Variants in USP32 observed in about 807,000 individuals in gnomAD.
The protein encoded by USP32 is ubiquitin carboxyl-terminal hydrolase 32.
A neutral mutation model predicts 204.8 loss-of-function variants in USP32; 59 were observed. The ratio of observed to expected loss-of-function variants is 0.29; its 90% CI spans 0.23 to 0.36. The LOEUF (loss-of-function observed/expected upper bound fraction) is 0.36. USP32 is among the 10% of genes least tolerant of loss of function. The pLI is 1.00. For missense variants in USP32, 1,160 were observed against 1,946.4 expected (o/e 0.60, Z 7.60); for synonymous variants, 517 against 678.4 (o/e 0.76, Z 3.70).
At chr17:60,203,475 G>C (rs895587917) in intron 26 of USP32, among the ~76,000 whole-genome samples, 4 of 149,738 alleles carry the variant, frequency 2.7e-5, no homozygotes, top group African/African-American at 7.4e-5. Flanking sequence ...TGTTATAACA[G>C]TCCTAAGAAA....
chr17:60,320,596 T>G (rs1485498508), intron 2 of USP32, among the ~76,000 whole-genome samples: 1 of 152,140 alleles, frequency 6.6e-6, no homozygotes, highest in East Asian at 1.9e-4. Flanking sequence ...TGGGGGAGCA[T>G]GCAAACCACA....
chr17:60,363,028 G>A (rs1207664836), intron 1 of USP32, among the ~76,000 whole-genome samples: 3 of 151,932 alleles, frequency 2.0e-5, no homozygotes, highest in African/African-American at 7.3e-5. Flanking sequence ...CAGTGGCTCA[G>A]GTCTATAATC....
intron 1 of USP32, among the ~76,000 whole-genome samples, chr17:60,375,559 A>G (rs1329350723): frequency 6.6e-6 from 1 of 152,084 alleles, no homozygotes; most frequent in Non-Finnish European, 1.5e-5. Context: ...TACATACTAA[A>G]TTATCTCTTA....
upstream of USP32, among the ~76,000 whole-genome samples, chr17:60,393,701 T>G (rs919343671): frequency 6.6e-6 from 1 of 151,730 alleles, no homozygotes; most frequent in Non-Finnish European, 1.5e-5. Flanking sequence ...TTTTTTTTTT[T>G]GAGACGGAGT....
intron 4 of USP32, among the ~76,000 whole-genome samples, chr17:60,289,924 G>T (rs775319663): frequency 1.1e-4 from 17 of 152,190 alleles, no homozygotes. Flanking sequence ...ATCCCATTAA[G>T]TGAGGCGATA....
At chr17:60,253,634 C>T (rs1003429244) in intron 10 of USP32, among the ~76,000 whole-genome samples, 8 of 151,950 alleles carry the variant, frequency 5.3e-5, no homozygotes, top group African/African-American at 1.9e-4. Context: ...GGGGTGGTGG[C>T]ACACGCCTGT....
intron 7 of USP32, among the ~76,000 whole-genome samples, chr17:60,267,836 A>G (rs972786195): frequency 2.0e-5 from 3 of 149,588 alleles, no homozygotes; most frequent in African/African-American, 7.4e-5. Flanking sequence ...CTTTTGAGAC[A>G]GAGTCTTGCT....
chr17:60,317,686 T>C (rs1285205091), intron 2 of USP32, among the ~76,000 whole-genome samples: 1 of 151,936 alleles, frequency 6.6e-6, no homozygotes, highest in Non-Finnish European at 1.5e-5. Context: ...TGTAGTGCCA[T>C]GCACCCATAG....
chr17:60,192,958 T>C lies in USP32; in HGVS notation c.3435-28A>G, dbSNP rs1394626642. On this transcript the variant is annotated intron_variant, in intron 27 of 33. Coordinates refer to ENST00000300896, the MANE Select transcript of USP32 (RefSeq NM_032582.4). Reference sequence around the variant, plus strand: ...GAAACAGAAGAGAACAAAAAGAGTGTAAGAAGCATTTCTGGTTCGAGGTCC... The same window carrying C: ...GAAACAGAAGAGAACAAAAAGAGTGCAAGAAGCATTTCTGGTTCGAGGTCC... The C allele has an allele frequency of 9.3e-6, 15 of 1,611,350 alleles. No individual in the cohort carries two copies. In the Admixed American group the frequency reaches 2.5e-4, roughly 27 times the overall value.
At chr17:60,296,117 T>A (rs774305014) in intron 3 of USP32, among the ~76,000 whole-genome samples, 14 of 152,206 alleles carry the variant, frequency 9.2e-5, no homozygotes, top group Non-Finnish European at 1.5e-4. Flanking sequence ...GTTTTAATAT[T>A]TTTAAAAAAT....
intron 1 of USP32, among the ~76,000 whole-genome samples, chr17:60,381,417 G>A (rs148865292): frequency 0.021 from 3,206 of 151,182 alleles, 135 homozygotes; most frequent in African/African-American, 0.074. Context: ...CTCCAGCTAG[G>A]GTGACAGAGG....
chr17:60,178,991 G>A lies in USP32; in HGVS notation c.*264C>T, dbSNP rs567216372. ...ATTGAATTCTTATTTGGTCCCAGGT[G>A]GCTGGTGCCAAACCTTTTGTTTACA... On this transcript the variant is annotated 3_prime_UTR_variant, in exon 34 of 34. Coordinates refer to ENST00000300896, the MANE Select transcript of USP32 (RefSeq NM_032582.4). The A allele has an allele frequency of 8.1e-5, 30 of 369,772 alleles. No homozygotes were observed. The East Asian group carries it at 1.3e-3, about 16-fold the overall frequency. The allele number at this position is 369,772 out of a possible 1,614,324, so 22.9% of individuals were successfully genotyped here.
At chr17:60,356,917 T>C (rs1443933355) in intron 1 of USP32, among the ~76,000 whole-genome samples, 1 of 151,984 alleles carries the variant, frequency 6.6e-6, no homozygotes, top group East Asian at 1.9e-4. Context: ...GCCTAATGAC[T>C]TCAAGTATGA....
chr17:60,359,591 A>T (rs535043063), intron 1 of USP32, among the ~76,000 whole-genome samples: 5 of 152,192 alleles, frequency 3.3e-5, no homozygotes, highest in Admixed American at 3.3e-4. Context: ...TGAGAGGATC[A>T]CTTGAGCCCA....
intron 11 of USP32, among the ~76,000 whole-genome samples, chr17:60,245,094 T>C (rs1334697479): frequency 1.3e-5 from 2 of 152,268 alleles, no homozygotes; most frequent in African/African-American, 2.4e-5. Flanking sequence ...TTATATGTAA[T>C]GGGAACAACA....
chr17:60,204,176 A>C (rs2084762589), intron 26 of USP32, among the ~76,000 whole-genome samples: 1 of 152,208 alleles, frequency 6.6e-6, no homozygotes, highest in Admixed American at 6.5e-5. Context: ...GTATCCTCTA[A>C]GAAAAAAAAC....
chr17:60,352,211 T>G (rs1364857532), intron 1 of USP32, among the ~76,000 whole-genome samples: 1 of 152,184 alleles, frequency 6.6e-6, no homozygotes, highest in Non-Finnish European at 1.5e-5. Context: ...TAGAAATGAC[T>G]GGGGGGACCT....
At chr17:60,369,888 C>T (rs2089403832) in intron 1 of USP32, among the ~76,000 whole-genome samples, 1 of 151,916 alleles carries the variant, frequency 6.6e-6, no homozygotes. Flanking sequence ...CATGCACTTG[C>T]TACCATGCTC....
At chr17:60,187,151 A>G (rs561127387) in intron 29 of USP32, among the ~76,000 whole-genome samples, 4 of 152,168 alleles carry the variant, frequency 2.6e-5, no homozygotes, top group Non-Finnish European at 5.9e-5. Context: ...GCACAGCTCA[A>G]GACATTCAGT....
Sources: gnomAD v4.1 joint callset for allele counts (sites outside exome capture counted in the v4.1 genomes callset) on GRCh38, gnomAD v4.1.1 for gene constraint, MANE v1.5 for transcripts, NCBI Gene and HGNC (gene_info 2026-07-23, HGNC 2026-07-21) for gene names.